OTUD7A: variants seen among roughly 807,000 people sequenced by gnomAD.
OTUD7A encodes the protein OTU deubiquitinase 7A, also known as OTU domain-containing protein 7A.
A neutral mutation model predicts 65.7 loss-of-function variants in OTUD7A; 12 were observed. The observed-to-expected ratio is 0.18, with a 90% confidence interval of 0.12 to 0.30. The LOEUF (loss-of-function observed/expected upper bound fraction) is 0.30. OTUD7A is among the 10% of genes least tolerant of loss of function. The pLI is 1.00. For missense variants in OTUD7A, 1,148 were observed against 1,304.8 expected, an observed-to-expected ratio of 0.88 and a Z score of 1.85; for synonymous variants, 641 against 586.3, an observed-to-expected ratio of 1.09 and a Z score of -1.35.
At chr15:31,792,993 C>T (rs1477928674) in intron 1 of OTUD7A, among the ~76,000 whole-genome samples, 3 of 152,184 alleles carry the variant, frequency 2.0e-5, no homozygotes, top group Non-Finnish European at 4.4e-5. Flanking sequence ...GGAGACACCA[C>T]GTGCCTCACA....
In OTUD7A at chr15:31,620,651, T is replaced by A. The variant is rs546550931; in HGVS notation, c.151+34445A>T. Among the ~76,000 whole-genome samples, 410 of 123,976 alleles carry A rather than the reference T, an allele frequency of 3.3e-3. 22 individuals carry two copies. The highest frequency in any genetic ancestry group is 4.3e-3 in the Non-Finnish European group (271 of 63,532). The allele number at this position is 123,976 out of a possible 152,430, so 81.3% of individuals were successfully genotyped here. ...TTTTTTATTGTGTCTATTTGATTCT[T>A]CTCTCTTTCTTCTTTATTAGTCTTG... On this transcript the variant is annotated intron_variant, in intron 3 of 12. Transcript: ENST00000307050.
At chr15:31,559,470 T>C (rs1888614933) in intron 4 of OTUD7A, among the ~76,000 whole-genome samples, 1 of 151,966 alleles carries the variant, frequency 6.6e-6, no homozygotes, top group Non-Finnish European at 1.5e-5. Context: ...TGCATACACA[T>C]ACTGCACACA....
chr15:31,862,716 T>C (rs1489405206), intron 1 of OTUD7A, among the ~76,000 whole-genome samples: 2 of 152,150 alleles, frequency 1.3e-5, no homozygotes, highest in Non-Finnish European at 2.9e-5. Context: ...ACAATTCAAG[T>C]TGAGATTTGG....
At chr15:31,586,089 T>G (rs1334983014) in intron 3 of OTUD7A, among the ~76,000 whole-genome samples, 1 of 152,200 alleles carries the variant, frequency 6.6e-6, no homozygotes, top group African/African-American at 2.4e-5. Context: ...GGAGAAAGGC[T>G]CCTGCCAGTT....
At chr15:31,495,433 G>A (rs2041369462) in intron 10 of OTUD7A, among the ~76,000 whole-genome samples, 1 of 152,210 alleles carries the variant, frequency 6.6e-6, no homozygotes, top group African/African-American at 2.4e-5. Flanking sequence ...TTTGTGATCT[G>A]TAGGTCAACA....
chr15:31,646,126 CT>C (rs1891654935), intron 3 of OTUD7A, among the ~76,000 whole-genome samples: 1 of 152,078 alleles, frequency 6.6e-6, no homozygotes, highest in Non-Finnish European at 1.5e-5. Flanking sequence ...TGTTTTTTTG[CT>C]CCTTCCCTCT....
intron 10 of OTUD7A, among the ~76,000 whole-genome samples, chr15:31,490,817 C>T (rs1276095452): frequency 6.6e-6 from 1 of 152,204 alleles, no homozygotes; most frequent in African/African-American, 2.4e-5. Flanking sequence ...TCCATCCTAC[C>T]TCTACCAAGG....
rs375185172 is a variant in OTUD7A, at chr15:31,487,415, T to C, written c.1286+37A>G. On this transcript the variant is annotated intron_variant, in intron 11 of 12. Transcript: ENST00000307050. The surrounding 1 kb of genome is among the most constrained non-coding windows in gnomAD (Gnocchi z 6.0). Reference sequence around the variant, plus strand: ...AGGATGCCCCAGCCATAGCCCTCCCTGTGGGCGCTGGGGAAAGGGACAGAG... The same window carrying C: ...AGGATGCCCCAGCCATAGCCCTCCCCGTGGGCGCTGGGGAAAGGGACAGAG... The C allele has an allele frequency of 1.2e-6, 2 of 1,602,134 alleles. No homozygotes were observed. Among genetic ancestry groups the C allele is most frequent in the Non-Finnish European group, 8.5e-7 (1 of 1,171,190 alleles).
At position 31,484,695 on chromosome 15, in the gene OTUD7A, C is replaced by T. The variant is rs763330565; in HGVS notation, c.1401G>A (p.Thr467=). 1.0e-5 allele frequency: 16 copies of T among 1,585,886 alleles called. No homozygotes were observed. The highest frequency in any genetic ancestry group is 1.3e-5 in the Non-Finnish European group (15 of 1,171,150). Residue 467 remains threonine, a synonymous_variant, in exon 13 of 13, where the codon ACG becomes ACA. Coordinates refer to ENST00000307050, the MANE Select transcript of OTUD7A (RefSeq NM_001382637.1). This position sits in a 1 kb window ranked among gnomAD's most constrained non-coding sequence, Gnocchi z 4.5. The part of the protein sequence containing the change: ...RAPLAQPESP[T]ASAGEDVQSL... ...ACTGCACGTCCTCCCCTGCCGAGGC[C>T]GTGGGAGACTCCGGCTGTGCCAGGG...
chr15:31,754,780 A>G (rs937491698), intron 1 of OTUD7A, among the ~76,000 whole-genome samples: 7 of 152,186 alleles, frequency 4.6e-5, no homozygotes, highest in African/African-American at 1.7e-4. Flanking sequence ...AGTTTGAATC[A>G]TGTAATGTGA....
intron 3 of OTUD7A, among the ~76,000 whole-genome samples, chr15:31,640,846 GTA>G (rs1371557287): frequency 6.6e-6 from 1 of 151,948 alleles, no homozygotes; most frequent in African/African-American, 2.4e-5. Context: ...ATATGTGTGT[GTA>G]TGTGTGTGTG....
intron 3 of OTUD7A, among the ~76,000 whole-genome samples, chr15:31,581,661 GC>G (rs1889376085): frequency 6.6e-6 from 1 of 152,190 alleles, no homozygotes; most frequent in Non-Finnish European, 1.5e-5. Flanking sequence ...CTCTACATGG[GC>G]CCTTTTTAGC....
intron 3 of OTUD7A, among the ~76,000 whole-genome samples, chr15:31,638,894 G>T (rs1891425503): frequency 6.6e-6 from 1 of 152,036 alleles, no homozygotes; most frequent in Non-Finnish European, 1.5e-5. Flanking sequence ...CAGCGCTTTG[G>T]GAGGCCGAGG....
chr15:31,548,518 T>C (rs1365893889), intron 5 of OTUD7A, among the ~76,000 whole-genome samples: 1 of 152,078 alleles, frequency 6.6e-6, no homozygotes, highest in African/African-American at 2.4e-5. Context: ...GATGAGGACA[T>C]TTCACAGCCA....
At chr15:31,841,481 C>T (rs1049902185) in intron 1 of OTUD7A, among the ~76,000 whole-genome samples, 9 of 152,120 alleles carry the variant, frequency 5.9e-5, no homozygotes, top group African/African-American at 2.2e-4. Flanking sequence ...TGCCTCTGCC[C>T]CTCTACATAG....
chr15:31,710,378 C>T (rs1179406783), intron 1 of OTUD7A, among the ~76,000 whole-genome samples: 2 of 150,030 alleles, frequency 1.3e-5, no homozygotes, highest in Non-Finnish European at 3.0e-5. Context: ...CCTGCACGTG[C>T]TCCTGGGGTG....
chr15:31,522,576 G>C (rs1242675921), intron 8 of OTUD7A, among the ~76,000 whole-genome samples: 5 of 152,162 alleles, frequency 3.3e-5, no homozygotes, highest in Admixed American at 2.6e-4. Flanking sequence ...CTAATTCTCT[G>C]AATCTCAGCC....
intron 1 of OTUD7A, among the ~76,000 whole-genome samples, chr15:31,860,687 A>ATATATATATATATATATATATGTATG (rs1897711766): frequency 8.0e-6 from 1 of 124,506 alleles, no homozygotes; most frequent in African/African-American, 2.9e-5. Context: ...GTATATATAT[A>ATATATATATATATATATATATGTATG]TATATATATA....
intron 8 of OTUD7A, among the ~76,000 whole-genome samples, chr15:31,516,337 C>A (rs2041855045): frequency 6.6e-6 from 1 of 152,206 alleles, no homozygotes; most frequent in African/African-American, 2.4e-5. Flanking sequence ...TTTCTCCATT[C>A]CAGTTTTGGT....
Sources: gnomAD v4.1 joint callset for allele counts (sites outside exome capture counted in the v4.1 genomes callset) on GRCh38, gnomAD v4.1.1 for gene constraint, Gnocchi (gnomAD v3.1) non-coding constraint, MANE v1.5 for transcripts, NCBI Gene and HGNC (gene_info 2026-07-23, HGNC 2026-07-21) for gene names.